MELK: variants seen among roughly 807,000 people sequenced by gnomAD.
MELK encodes pEg3 kinase.
MELK carries 81 observed loss-of-function variants against 85.0 expected under a neutral mutation model. The ratio of observed to expected loss-of-function variants is 0.95; its 90% confidence interval spans 0.80 to 1.15. MELK has a LOEUF of 1.15. MELK is among the 50% of genes most tolerant of loss of function. The pLI is 0.00. For synonymous variants in MELK, 252 were observed against 265.0 expected, an observed-to-expected ratio of 0.95 and a Z score of 0.48; for missense variants, 754 against 777.5, an observed-to-expected ratio of 0.97 and a Z score of 0.36.
chr9:36,615,397 A>C (rs1222465531), intron 8 of MELK, among the ~76,000 whole-genome samples: 9 of 82,462 alleles, frequency 1.1e-4, no homozygotes, highest in African/African-American at 2.1e-4. Flanking sequence ...CGGGGGGCTG[A>C]CCCCCCCACC....
chr9:36,640,947 G>A (rs1564195194), intron 10 of MELK, among the ~76,000 whole-genome samples: 1 of 152,230 alleles, frequency 6.6e-6, no homozygotes, highest in Non-Finnish European at 1.5e-5. Flanking sequence ...GTTGTTACAA[G>A]TGTGATGTTC....
chr9:36,615,684 G>A (rs1278526744), intron 8 of MELK, among the ~76,000 whole-genome samples: 3 of 143,032 alleles, frequency 2.1e-5, no homozygotes, highest in South Asian at 2.3e-4. Context: ...ACGGGGTCTC[G>A]GCCGGGCAGA....
chr9:36,602,722 G>A (rs986056368), intron 7 of MELK, among the ~76,000 whole-genome samples: 111 of 151,904 alleles, frequency 7.3e-4, no homozygotes, highest in African/African-American at 2.6e-3. Context: ...ACCATGCTTG[G>A]CTAATTTTGT....
intron 8 of MELK, among the ~76,000 whole-genome samples, chr9:36,620,997 G>T (rs1001823182): frequency 6.6e-6 from 1 of 151,738 alleles, no homozygotes; most frequent in Non-Finnish European, 1.5e-5. Context: ...GAGGCTGGGC[G>T]CAGTGGCTCA....
In MELK at chr9:36,677,505, G is replaced by A. The variant is rs1833449737; in HGVS notation, c.*168G>A. 4 of 551,396 alleles carry A rather than the reference G, an allele frequency of 7.3e-6. No individual in the cohort carries two copies. The South Asian group carries it at 1.2e-4, about 17-fold the overall frequency. 34.2% of individuals were successfully genotyped at this position (551,396 alleles called of 1,614,324 possible). ...TTTTAAACAAAAGATATTATTTTGT[G>A]TATGAATCTAAATCAAGCCCATCTG... On this transcript the variant is annotated 3_prime_UTR_variant, in exon 18 of 18. Transcript: ENST00000298048.
intron 12 of MELK, among the ~76,000 whole-genome samples, chr9:36,652,854 T>C (rs915574475): frequency 6.6e-6 from 1 of 152,196 alleles, no homozygotes; most frequent in African/African-American, 2.4e-5. Flanking sequence ...TTCCAGTCTT[T>C]TTTTTAAAGC....
At chr9:36,626,149 G>A (rs1266377231) in intron 8 of MELK, among the ~76,000 whole-genome samples, 4 of 152,256 alleles carry the variant, frequency 2.6e-5, no homozygotes, top group African/African-American at 9.6e-5. Context: ...GATTGAGCCA[G>A]TGCCCTTATA....
chr9:36,633,763 TAA>T (rs1828863966), intron 10 of MELK, among the ~76,000 whole-genome samples: 1 of 152,256 alleles, frequency 6.6e-6, no homozygotes, highest in Admixed American at 6.5e-5. Context: ...CAAATTTCTT[TAA>T]AGTCTGGCTT....
rs114999596 is a variant in MELK at position 36,617,291 on chromosome 9, T to G, written c.666+9618T>G. On this transcript the variant is annotated intron_variant, in intron 8 of 17. Coordinates refer to ENST00000298048, the MANE Select transcript of MELK (RefSeq NM_014791.4). ...ACTTATTTTTGCTGTGCAGGAATTT[T>G]TAGTTTTTATTTAGTGAAATTCATC... Among the ~76,000 whole-genome samples, 1,269 of 152,258 alleles carry G rather than the reference T, an allele frequency of 8.3e-3. 21 individuals are homozygous for G. The highest frequency in any genetic ancestry group is 0.026 in the African/African-American group (1,093 of 41,572).
intron 14 of MELK, among the ~76,000 whole-genome samples, chr9:36,668,675 G>A (rs1832613079): frequency 6.6e-6 from 1 of 152,058 alleles, no homozygotes; most frequent in Non-Finnish European, 1.5e-5. Flanking sequence ...ACCACGCCCA[G>A]CTAATTTTTT....
chr9:36,672,946 C>T (rs1833012564), intron 16 of MELK, among the ~76,000 whole-genome samples: 1 of 152,140 alleles, frequency 6.6e-6, no homozygotes, highest in Non-Finnish European at 1.5e-5. Flanking sequence ...GAAGGACTTT[C>T]TTTGGGAAAT....
chr9:36,669,412 T>G lies in MELK; in HGVS notation c.1505+6T>G, dbSNP rs1587630125. Reference sequence around the variant, plus strand: ...GTCATTAGCCCTGAGAGGCGGTAAGTGTTTGGTTTTTTTAGACTCTAATCT... The same window carrying G: ...GTCATTAGCCCTGAGAGGCGGTAAGGGTTTGGTTTTTTTAGACTCTAATCT... On this transcript the variant is annotated splice_donor_region_variant and intron_variant, in intron 15 of 17. Coordinates refer to ENST00000298048, the MANE Select transcript of MELK (RefSeq NM_014791.4). 1 of 1,580,586 alleles carries G rather than the reference T, an allele frequency of 6.3e-7. No homozygotes were observed. Among genetic ancestry groups the G allele is most frequent in the East Asian group, 2.3e-5 (1 of 43,780 alleles).
intron 11 of MELK, among the ~76,000 whole-genome samples, chr9:36,643,624 T>G: frequency 6.6e-6 from 1 of 151,874 alleles, no homozygotes; most frequent in East Asian, 1.9e-4. Flanking sequence ...GAAGAAGAAT[T>G]ACAGTGAAAA....
intron 12 of MELK, among the ~76,000 whole-genome samples, chr9:36,654,349 CTTTTT>C (rs34436735): frequency 1.2e-5 from 1 of 84,126 alleles, no homozygotes; most frequent in African/African-American, 4.5e-5. Flanking sequence ...ATTGGATTGT[CTTTTT>C]TTTTTTTTTT....
At chr9:36,575,057 C>CA (rs1166515965) in intron 1 of MELK, among the ~76,000 whole-genome samples, 1 of 152,186 alleles carries the variant, frequency 6.6e-6, no homozygotes, top group African/African-American at 2.4e-5. Context: ...TGCTTGAACT[C>CA]AGAGGGCGGA....
intron 1 of MELK, among the ~76,000 whole-genome samples, chr9:36,574,198 C>G (rs531237973): frequency 3.9e-5 from 6 of 152,172 alleles, no homozygotes; most frequent in African/African-American, 1.4e-4. Flanking sequence ...ATGGGCAGAT[C>G]AATCCCAATG....
At chr9:36,623,155 C>A (rs1827600479) in intron 8 of MELK, among the ~76,000 whole-genome samples, 1 of 152,252 alleles carries the variant, frequency 6.6e-6, no homozygotes, top group African/African-American at 2.4e-5. Flanking sequence ...GGGGTAATCT[C>A]CAAGTAGTGA....
chr9:36,584,256 C>T (rs1442842690), intron 3 of MELK, among the ~76,000 whole-genome samples: 6 of 151,286 alleles, frequency 4.0e-5, no homozygotes, highest in Non-Finnish European at 5.9e-5. Context: ...CTGCCCGCCT[C>T]GGCCTCCCAA....
chr9:36,628,500 A>T (rs1422413393), intron 8 of MELK, among the ~76,000 whole-genome samples: 2 of 151,398 alleles, frequency 1.3e-5, no homozygotes, highest in Admixed American at 6.6e-5. Context: ...GCTCACTGCG[A>T]CCTCCACCTC....
Sources: allele counts gnomAD v4.1 joint callset (sites outside exome capture counted in the v4.1 genomes callset), GRCh38; gene constraint gnomAD v4.1.1; transcripts MANE v1.5; gene names NCBI Gene and HGNC (gene_info 2026-07-23, HGNC 2026-07-21).